The following SAP30BP variants were observed in gnomAD, a reference collection of about 807,000 sequenced individuals.
SAP30BP encodes SAP30-binding protein.
A neutral mutation model predicts 46.3 loss-of-function variants in SAP30BP; 31 were observed. That is an observed-to-expected ratio of 0.67 (90% CI 0.50 to 0.90). The LOEUF is 0.90. SAP30BP is among the 40% of genes least tolerant of loss of function. SAP30BP has a pLI of 0.00. For synonymous variants in SAP30BP, 169 were observed against 144.2 expected, an observed-to-expected ratio of 1.17 and a Z score of -1.23; for missense variants, 312 against 391.0, an observed-to-expected ratio of 0.80 and a Z score of 1.70.
At chr17:75,697,501 A>G (rs2060340564) in intron 4 of SAP30BP, among the ~76,000 whole-genome samples, 1 of 152,058 alleles carries the variant, frequency 6.6e-6, no homozygotes, top group Non-Finnish European at 1.5e-5. Context: ...AAAGAGAAGC[A>G]CCTCGTCTCC....
chr17:75,673,803 G>A lies in SAP30BP; in HGVS notation c.264+1940G>A, dbSNP rs188223070. On this transcript the variant is annotated intron_variant, in intron 3 of 10. Transcript: ENST00000584667. The stretch of plus-strand genomic sequence containing the variant: ...GTGAAGCTGGGAAGATTGTGGAAAT[G>A]CCTTTTGTGCTCAGGCTCCCCTTCT... Among the ~76,000 whole-genome samples, 692 of 152,306 alleles carry A rather than the reference G, an allele frequency of 4.5e-3. 2 individuals carry two copies. The highest frequency in any genetic ancestry group is 7.8e-3 in the Non-Finnish European group (529 of 68,026).
At chr17:75,671,695 A>T in intron 2 of SAP30BP, 121 bp from the exon 3 acceptor site, 1 of 734,886 alleles carries the variant, frequency 1.4e-6, no homozygotes, top group Non-Finnish European at 2.5e-6. Context: ...TAGGGGAGGG[A>T]TTCTTGGTGG....
At chr17:75,685,230 CA>C (rs540609055) in intron 3 of SAP30BP, among the ~76,000 whole-genome samples, 113 of 152,328 alleles carry the variant, frequency 7.4e-4, no homozygotes, top group African/African-American at 2.5e-3. Context: ...CCTCCTTCCC[CA>C]TCTGGGACTC....
At chr17:75,678,176 TAATAA>T (rs1342129371) in intron 3 of SAP30BP, among the ~76,000 whole-genome samples, 1 of 152,072 alleles carries the variant, frequency 6.6e-6, no homozygotes, top group Non-Finnish European at 1.5e-5. Flanking sequence ...ATAATCATCA[TAATAA>T]AATCTGTCTC....
intron 6 of SAP30BP, 124 bp downstream of exon 6, chr17:75,702,695 C>G (rs1418178425): frequency 9.5e-6 from 5 of 526,660 alleles, no homozygotes; most frequent in African/African-American, 1.9e-5. Flanking sequence ...CTTGTCATTA[C>G]ACTGAGTGCC....
chr17:75,669,246 C>T (rs1389043134), intron 2 of SAP30BP, among the ~76,000 whole-genome samples: 1 of 148,392 alleles, frequency 6.7e-6, no homozygotes, highest in African/African-American at 2.6e-5. Context: ...CCTAGCTAAC[C>T]TATTATTATT....
At chr17:75,699,136 A>G (rs970107209) in intron 4 of SAP30BP, among the ~76,000 whole-genome samples, 21 of 152,156 alleles carry the variant, frequency 1.4e-4, no homozygotes, top group Non-Finnish European at 1.8e-4. Context: ...TTGTACCACT[A>G]CGCTCTAGCC....
rs66721865 is a variant in SAP30BP at position 75,674,697 on chromosome 17, G to GTTTTTTTTTTTTTTTTT, written c.264+2846_264+2862dup. On this transcript the variant is annotated intron_variant, in intron 3 of 10. Coordinates refer to ENST00000584667, the MANE Select transcript of SAP30BP (RefSeq NM_013260.8). ...TATGAAGTTTTTTTGTTTGTTTTTTGTTTTTTTTTTTTTTTTTTTTTTTTT... is the reference window on the plus strand; with the variant it reads ...TATGAAGTTTTTTTGTTTGTTTTTTGTTTTTTTTTTTTTTTTTTTTTTTTTTTTTTTTTTTTTTTTTT... 3.1e-4 allele frequency among the ~76,000 whole-genome samples: 19 copies of GTTTTTTTTTTTTTTTTT among 61,552 alleles called. 1 individual carries two copies. Among genetic ancestry groups the GTTTTTTTTTTTTTTTTT allele is most frequent in the African/African-American group, 6.8e-4 (13 of 19,112 alleles). 40.4% of individuals were successfully genotyped at this position (61,552 alleles called of 152,430 possible).
At chr17:75,669,392 C>T (rs990899173) in intron 2 of SAP30BP, among the ~76,000 whole-genome samples, 10 of 152,040 alleles carry the variant, frequency 6.6e-5, no homozygotes, top group Non-Finnish European at 1.3e-4. Context: ...TTACAGACAC[C>T]TGCCATCACG....
At chr17:75,704,340 C>G (rs2060461440) in intron 8 of SAP30BP, among the ~76,000 whole-genome samples, 1 of 152,252 alleles carries the variant, frequency 6.6e-6, no homozygotes, top group East Asian at 1.9e-4. Flanking sequence ...GGTCTTAAGC[C>G]TGCAGCCCAT....
At position 75,706,021 on chromosome 17, in the gene SAP30BP, C is replaced by T. The variant is rs2060491587; in HGVS notation, c.674C>T (p.Thr225Met). Reference sequence around the variant, plus strand: ...CTCCCTCTCCAGATTGAGTTTGTGACGGGCACCAAAAAAGGCACCACGACC... The same window carrying T: ...CTCCCTCTCCAGATTGAGTTTGTGATGGGCACCAAAAAAGGCACCACGACC... The part of the protein sequence containing the change: ...KKERTKIEFV[T>M]GTKKGTTTNA... Residue 225 changes from threonine (T) to methionine (M), a missense_variant, in exon 10 of 11, where the codon ACG (threonine) becomes ATG (methionine). This residue lies in a region of SAP30BP where 296 missense variants were observed against 346.6 expected (regional missense o/e 0.85). Coordinates refer to ENST00000584667, the MANE Select transcript of SAP30BP (RefSeq NM_013260.8). The surrounding 1 kb of genome is among the most constrained non-coding windows in gnomAD (Gnocchi z 4.6). 6 of 1,613,532 alleles carry T rather than the reference C, an allele frequency of 3.7e-6. No individual in the cohort carries two copies. The highest frequency in any genetic ancestry group is 4.2e-6 in the Non-Finnish European group (5 of 1,179,976).
intron 2 of SAP30BP, 21 bp downstream of exon 2, chr17:75,668,646 C>A: frequency 6.8e-7 from 1 of 1,460,112 alleles, no homozygotes. Context: ...CTCCCAGATC[C>A]AGAGCTACTG....
At chr17:75,703,131 C>T (rs2060439649) in intron 6 of SAP30BP, 180 bp from the exon 7 acceptor site, 1 of 608,152 alleles carries the variant, frequency 1.6e-6, no homozygotes, top group Non-Finnish European at 3.0e-6. Flanking sequence ...CTCCTCCCGG[C>T]CCCTAGCTAA....
chr17:75,687,280 T>C (rs750426171), intron 3 of SAP30BP, among the ~76,000 whole-genome samples: 1 of 152,182 alleles, frequency 6.6e-6, no homozygotes, highest in African/African-American at 2.4e-5. Context: ...ACAGTAATTA[T>C]TTTTGTCTTA....
At chr17:75,668,696 A>G (rs1365178046) in intron 2 of SAP30BP, 71 bp downstream of exon 2, 4 of 1,007,752 alleles carry the variant, frequency 4.0e-6, no homozygotes, top group Admixed American at 2.3e-5. Context: ...AACTGTGCCA[A>G]CAGTGTTCCA....
chr17:75,696,508 C>A (rs1315460605), intron 4 of SAP30BP, among the ~76,000 whole-genome samples: 1 of 150,816 alleles, frequency 6.6e-6, no homozygotes, highest in Non-Finnish European at 1.5e-5. Context: ...AACACCATTG[C>A]ACTCCAGTCT....
intron 4 of SAP30BP, among the ~76,000 whole-genome samples, chr17:75,698,181 G>C (rs964636916): frequency 3.9e-5 from 6 of 152,392 alleles, no homozygotes; most frequent in African/African-American, 1.4e-4. Context: ...AGGCTGGAGA[G>C]AGCAAGGCCT....
At position 75,703,846 on chromosome 17, in the gene SAP30BP, C is replaced by T. The variant is rs751315260; in HGVS notation, c.588C>T (p.Tyr196=). The change falls in exon 8 of 11, where the codon TAC becomes TAT. Residue 196 remains tyrosine, a synonymous_variant. Coordinates refer to ENST00000584667, the MANE Select transcript of SAP30BP (RefSeq NM_013260.8). Reference sequence around the variant, plus strand: ...CCCATGGCTGGTCTGAGGACTCCTACTATGAGGCATTAGGTAGCCTTTCGT... The same window carrying T: ...CCCATGGCTGGTCTGAGGACTCCTATTATGAGGCATTAGGTAGCCTTTCGT... ...FDPHGWSEDS[Y]YEALAKAQKI... The T allele has an allele frequency of 1.9e-6, 3 of 1,613,020 alleles. No individual in the cohort carries two copies. In the South Asian group the frequency reaches 3.3e-5, roughly 18 times the overall value.
intron 3 of SAP30BP, among the ~76,000 whole-genome samples, chr17:75,677,305 A>G (rs1474962702): frequency 6.6e-6 from 1 of 151,674 alleles, no homozygotes; most frequent in Non-Finnish European, 1.5e-5. Context: ...GGGTTTCACC[A>G]TATTGGCCAG....
Sources: gnomAD v4.1 joint callset for allele counts (sites outside exome capture counted in the v4.1 genomes callset) on GRCh38, gnomAD v4.1.1 for gene constraint, gnomAD v4.1.1 regional missense constraint, Gnocchi (gnomAD v3.1) non-coding constraint, MANE v1.5 for transcripts, NCBI Gene and HGNC (gene_info 2026-07-23, HGNC 2026-07-21) for gene names.